TDRD9: variants seen among roughly 807,000 people sequenced by gnomAD.
TDRD9 encodes the protein tudor domain containing 9.
TDRD9 carries 124 observed loss-of-function variants against 172.6 expected under a neutral mutation model. The observed-to-expected ratio is 0.72, with a 90% CI of 0.62 to 0.83. The LOEUF (loss-of-function observed/expected upper bound fraction) is 0.83, where lower values mean the gene tolerates loss of function less well. TDRD9 is among the 40% of genes least tolerant of loss of function. The probability of loss-of-function intolerance (pLI) is 0.00; values close to 1 mark genes in which losing one functional copy is unlikely to be tolerated. For missense variants in TDRD9, 1,479 were observed against 1,714.1 expected (o/e 0.86, Z 2.42); for synonymous variants, 619 against 617.1 (o/e 1.00, Z -0.05).
Position 104,051,165 on chromosome 14 carries a change from C to T in TDRD9, c.4048-816C>T, listed in dbSNP as rs144717262. ...GTGTTTCTTGTTCCCATCTTATGTC[C>T]ATGAGTACTCAATGTTTAGCTCCAC... On this transcript the variant is annotated intron_variant, in intron 35 of 35. Transcript: ENST00000409874. Among the ~76,000 whole-genome samples the T allele has an allele frequency of 1.7e-3, 255 of 152,292 alleles. 2 individuals are homozygous for T. The highest frequency in any genetic ancestry group is 6.0e-3 in the African/African-American group (250 of 41,564).
intron 15 of TDRD9, 118 bp downstream of exon 15, chr14:104,005,523 T>A: frequency 9.3e-7 from 1 of 1,072,848 alleles, no homozygotes; most frequent in Non-Finnish European, 1.4e-6. Flanking sequence ...ACTTTCCCGC[T>A]AACTCTGTTC....
chr14:103,955,676 A>C lies in TDRD9; in HGVS notation c.228A>C (p.Gln76His). Residue 76 changes from glutamine (Q) to histidine (H), a missense_variant, in exon 2 of 36, where the codon CAA becomes CAC. Physicochemically the swap from Gln to His is conservative, Grantham distance 24. Around this residue, in one of 3 missense-constraint regions of TDRD9, gnomAD observed 1,413 missense variants for 1,649.1 expected, o/e 0.86. Coordinates refer to ENST00000409874, the MANE Select transcript of TDRD9 (RefSeq NM_153046.3). ...CTATTCTTTTCAGGTCACTCAGCCAAAGGAGCTCAGAAGTAGAGTATATTA... is the reference window on the plus strand; with the variant it reads ...CTATTCTTTTCAGGTCACTCAGCCACAGGAGCTCAGAAGTAGAGTATATTA... ...PAAAFERSLS[Q>H]RSSEVEYINK... 6.4e-7 allele frequency: 1 copy of C among 1,550,980 alleles called. No homozygotes were observed.
chr14:104,033,812 G>T (rs2035359687), intron 30 of TDRD9, 148 bp from the exon 31 acceptor site: 2 of 613,970 alleles, frequency 3.3e-6, no homozygotes, highest in Admixed American at 4.8e-5. Context: ...AAGGAGATGT[G>T]CAGGAGAGTG....
intron 9 of TDRD9, among the ~76,000 whole-genome samples, chr14:103,991,626 T>C (rs61997575): frequency 6.6e-5 from 10 of 152,132 alleles, no homozygotes; most frequent in Non-Finnish European, 1.3e-4. Flanking sequence ...TTGGCCAGGA[T>C]GGTCTCGATC....
chr14:103,972,521 G>A (rs935115189), intron 6 of TDRD9, among the ~76,000 whole-genome samples: 1 of 152,288 alleles, frequency 6.6e-6, no homozygotes. Flanking sequence ...CCAAAATGGC[G>A]AAGGGTTTAG....
intron 1 of TDRD9, chr14:103,941,526 GT>G: frequency 6.5e-7 from 1 of 1,535,198 alleles, no homozygotes; most frequent in Non-Finnish European, 8.7e-7. Flanking sequence ...ATCCACACCT[GT>G]TTTTTTCACT....
At chr14:103,959,855 T>C (rs896914595) in intron 2 of TDRD9, among the ~76,000 whole-genome samples, 5 of 152,228 alleles carry the variant, frequency 3.3e-5, no homozygotes, top group African/African-American at 9.6e-5. Flanking sequence ...TAGTTCTAGG[T>C]TGTCGACTCC....
intron 6 of TDRD9, among the ~76,000 whole-genome samples, chr14:103,971,078 G>T (rs574584339): frequency 6.6e-6 from 1 of 151,860 alleles, no homozygotes; most frequent in South Asian, 2.1e-4. Flanking sequence ...CCGCCTCCTG[G>T]GTTCATGCCA....
intron 34 of TDRD9, among the ~76,000 whole-genome samples, chr14:104,042,851 A>T (rs2140922227): frequency 6.6e-6 from 1 of 152,240 alleles, no homozygotes; most frequent in African/African-American, 2.4e-5. Flanking sequence ...CTGTGAAAGC[A>T]GGTGGCATCT....
chr14:103,952,217 TATA>T (rs1370901643), intron 1 of TDRD9, among the ~76,000 whole-genome samples: 24 of 50,476 alleles, frequency 4.8e-4, no homozygotes, highest in South Asian at 1.4e-3. Flanking sequence ...TATATATATA[TATA>T]TTTTTTTTTT....
intron 7 of TDRD9, among the ~76,000 whole-genome samples, 169 bp from the exon 8 acceptor site, chr14:103,986,048 C>T (rs2033646750): frequency 6.6e-6 from 1 of 152,220 alleles, no homozygotes; most frequent in Non-Finnish European, 1.5e-5. Context: ...CTGAGCAGTA[C>T]TTGGCACACA....
intron 28 of TDRD9, among the ~76,000 whole-genome samples, chr14:104,030,555 C>T (rs1292362345): frequency 6.6e-6 from 1 of 152,194 alleles, no homozygotes; most frequent in Non-Finnish European, 1.5e-5. Context: ...CTTAAATTCT[C>T]TAATGGGTAA....
chr14:103,963,076 C>T lies in TDRD9; in HGVS notation c.323-3C>T. ...TGTATTTGTTTGTTTTGCCTTAATC[C>T]AGGTCCAAGGCCATCTTTGGCTAAA... On this transcript the variant is annotated splice_polypyrimidine_tract_variant and splice_region_variant and intron_variant, in intron 2 of 35. Coordinates refer to ENST00000409874, the MANE Select transcript of TDRD9 (RefSeq NM_153046.3). 1.3e-6 allele frequency: 2 copies of T among 1,530,486 alleles called. No individual in the cohort carries two copies. Among genetic ancestry groups the T allele is most frequent in the Non-Finnish European group, 1.8e-6 (2 of 1,137,456 alleles). The allele number at this position is 1,530,486 out of a possible 1,614,324, so 94.8% of individuals were successfully genotyped here. A position where few individuals can be genotyped will look rare whatever the true frequency, so the allele number is the denominator to read the frequency against.
intron 28 of TDRD9, among the ~76,000 whole-genome samples, chr14:104,029,635 T>G (rs1410201126): frequency 2.6e-5 from 4 of 152,212 alleles, no homozygotes; most frequent in Non-Finnish European, 4.4e-5. Context: ...ACATTTTGAC[T>G]TTCTCTTTTC....
intron 22 of TDRD9, among the ~76,000 whole-genome samples, chr14:104,016,814 A>G (rs1446599176): frequency 6.6e-6 from 1 of 152,198 alleles, no homozygotes; most frequent in Non-Finnish European, 1.5e-5. Context: ...TTCGTGTCAT[A>G]TCGTAAGGGC....
chr14:103,983,586 C>T (rs367768223), intron 7 of TDRD9, among the ~76,000 whole-genome samples: 15 of 152,200 alleles, frequency 9.9e-5, no homozygotes, highest in African/African-American at 3.1e-4. Context: ...AACCCAGTAT[C>T]GCTATAAAAT....
intron 29 of TDRD9, 39 bp from the exon 30 acceptor site, chr14:104,031,978 T>C: frequency 2.1e-6 from 3 of 1,398,394 alleles, no homozygotes; most frequent in East Asian, 2.5e-5. Flanking sequence ...AAGTGTTATC[T>C]TGCTTATTGG....
intron 21 of TDRD9, 88 bp downstream of exon 21, chr14:104,014,929 T>C: frequency 1.3e-6 from 1 of 749,756 alleles, no homozygotes; most frequent in Non-Finnish European, 2.2e-6. Context: ...TCCTGCTTTC[T>C]GATACAAACC....
chr14:103,979,146 C>T (rs2033371579), intron 7 of TDRD9, among the ~76,000 whole-genome samples: 1 of 152,170 alleles, frequency 6.6e-6, no homozygotes, highest in African/African-American at 2.4e-5. Context: ...TGGTATTTAA[C>T]TTTCTGTTCC....
Sources: allele counts gnomAD v4.1 joint callset (sites outside exome capture counted in the v4.1 genomes callset), GRCh38; gene constraint gnomAD v4.1.1; regional missense constraint gnomAD v4.1.1; transcripts MANE v1.5; gene names NCBI Gene and HGNC (gene_info 2026-07-23, HGNC 2026-07-21).